The following NRG1 variants were observed in gnomAD, a reference collection of about 807,000 sequenced individuals.
NRG1 encodes the protein neuregulin 1.
Under a neutral mutation model 63.8 loss-of-function variants are expected in NRG1, and 18 were observed. The ratio of observed to expected loss-of-function variants is 0.28; its 90% confidence interval spans 0.19 to 0.42. The LOEUF is 0.42. NRG1 is among the 10% of genes least tolerant of loss of function. The pLI, the probability that NRG1 is intolerant of heterozygous loss-of-function variation, is 1.00. For missense variants in NRG1, 762 were observed against 814.7 expected (o/e 0.94, Z 0.79); for synonymous variants, 302 against 301.3 (o/e 1.00, Z -0.02).
At chr8:32,555,980 G>A (rs1428008058) in intron 1 of NRG1, among the ~76,000 whole-genome samples, 1 of 152,134 alleles carries the variant, frequency 6.6e-6, no homozygotes, top group African/African-American at 2.4e-5. Context: ...ACAGTGCCCC[G>A]AACCTTTCAT....
At chr8:32,403,244 G>A (rs943429273) in intron 1 of NRG1, among the ~76,000 whole-genome samples, 7 of 145,766 alleles carry the variant, frequency 4.8e-5, no homozygotes, top group Non-Finnish European at 1.0e-4. Context: ...AAGTTGCAGT[G>A]AGCCGAGATC....
intron 5 of NRG1, among the ~76,000 whole-genome samples, chr8:32,632,060 T>G (rs2129544259): frequency 6.6e-6 from 1 of 152,352 alleles, no homozygotes; most frequent in East Asian, 1.9e-4. Context: ...TACTTTTGAC[T>G]TCAAAGTGTT....
intron 1 of NRG1, among the ~76,000 whole-genome samples, chr8:31,950,381 G>A (rs1803276300): frequency 1.3e-5 from 2 of 152,122 alleles, no homozygotes; most frequent in African/African-American, 4.8e-5. Context: ...TATTGTTTGG[G>A]AAATTTAAGG....
intron 1 of NRG1, among the ~76,000 whole-genome samples, chr8:32,274,831 TAGA>T (rs951521150): frequency 2.6e-5 from 4 of 152,212 alleles, no homozygotes; most frequent in African/African-American, 7.2e-5. Context: ...GGTTGCTTTT[TAGA>T]AGAAGTAAAG....
At chr8:32,214,122 G>A (rs1844973710) in intron 1 of NRG1, among the ~76,000 whole-genome samples, 1 of 152,130 alleles carries the variant, frequency 6.6e-6, no homozygotes, top group Non-Finnish European at 1.5e-5. Flanking sequence ...TCCTAGTAGA[G>A]AGGGGAGGGA....
At chr8:31,643,258 G>A (rs548852345) in intron 1 of NRG1, among the ~76,000 whole-genome samples, 2 of 152,214 alleles carry the variant, frequency 1.3e-5, no homozygotes, top group South Asian at 2.1e-4. Context: ...TGATGGTTGT[G>A]TGCAGGCTTG....
At chr8:32,136,906 C>T (rs1835599573) in intron 1 of NRG1, among the ~76,000 whole-genome samples, 2 of 152,054 alleles carry the variant, frequency 1.3e-5, no homozygotes. Context: ...ATTAATAGTA[C>T]TTGGCTAAGC....
chr8:32,218,130 C>G (rs1334081693), intron 1 of NRG1, among the ~76,000 whole-genome samples: 2 of 152,108 alleles, frequency 1.3e-5, no homozygotes, highest in Non-Finnish European at 2.9e-5. Context: ...CTTGAGAAAC[C>G]TAATTCTTGC....
At chr8:31,843,073 T>C (rs1199815232) in intron 1 of NRG1, among the ~76,000 whole-genome samples, 1 of 152,124 alleles carries the variant, frequency 6.6e-6, no homozygotes, top group African/African-American at 2.4e-5. Flanking sequence ...AATTCAGAAT[T>C]AGAACTTGGA....
intron 1 of NRG1, among the ~76,000 whole-genome samples, chr8:32,590,949 A>T (rs1234026655): frequency 1.3e-5 from 2 of 152,222 alleles, no homozygotes; most frequent in African/African-American, 4.8e-5. Flanking sequence ...AGACAAAAAA[A>T]GGTTTAAAAT....
chr8:32,453,752 C>A (rs761457810), intron 1 of NRG1, among the ~76,000 whole-genome samples: 3 of 152,146 alleles, frequency 2.0e-5, no homozygotes, highest in Admixed American at 6.6e-5. Context: ...TAACACCGAC[C>A]TAAAACATTT....
chr8:31,966,710 A>C (rs540964114), intron 1 of NRG1, among the ~76,000 whole-genome samples: 1 of 152,316 alleles, frequency 6.6e-6, no homozygotes, highest in South Asian at 2.1e-4. Context: ...CACATTCTGG[A>C]TCTAGTGAGA....
At chr8:32,514,744 T>C (rs1829617598) in intron 1 of NRG1, among the ~76,000 whole-genome samples, 1 of 152,134 alleles carries the variant, frequency 6.6e-6, no homozygotes, top group Non-Finnish European at 1.5e-5. Flanking sequence ...TTTGATACAC[T>C]GGAAAGCTAA....
chr8:31,777,312 TG>T (rs1370449638), intron 1 of NRG1, among the ~76,000 whole-genome samples: 1 of 152,226 alleles, frequency 6.6e-6, no homozygotes, highest in Non-Finnish European at 1.5e-5. Context: ...TCTATTAATT[TG>T]TTTAGTCTTT....
intron 1 of NRG1, among the ~76,000 whole-genome samples, chr8:31,922,957 G>A (rs1247580944): frequency 6.6e-6 from 1 of 152,096 alleles, no homozygotes; most frequent in East Asian, 1.9e-4. Flanking sequence ...GAATGAAAGT[G>A]GAACCTGATC....
intron 1 of NRG1, among the ~76,000 whole-genome samples, chr8:32,316,155 C>G (rs1199545522): frequency 2.0e-5 from 3 of 151,988 alleles, no homozygotes; most frequent in Non-Finnish European, 4.4e-5. Context: ...TCTAGAAACT[C>G]CATGAAGGAA....
rs1008370044 is a variant in NRG1 at position 31,640,858 on chromosome 8, G to T, written c.37+1427G>T. On this transcript the variant is annotated intron_variant, in intron 1 of 10. Transcript: ENST00000519301. This position sits in a 1 kb window ranked among gnomAD's most constrained non-coding sequence, Gnocchi z 6.3. ...CTGGGTCCCAGTTGTTGGTTTCAGG[G>T]TGGTGGGTTCTCAGCGATCCTCAGA... 2.1e-6 allele frequency: 3 copies of T among 1,396,024 alleles called. No homozygotes were observed. In the African/African-American group the frequency reaches 4.5e-5, roughly 21 times the overall value. The allele number at this position is 1,396,024 out of a possible 1,614,324, so 86.5% of individuals were successfully genotyped here.
intron 1 of NRG1, among the ~76,000 whole-genome samples, chr8:31,671,800 A>G (rs1197481382): frequency 3.3e-5 from 5 of 152,132 alleles, no homozygotes; most frequent in African/African-American, 4.8e-5. Flanking sequence ...GAGAAAATCA[A>G]TGTCAGTAGG....
At chr8:32,520,703 T>C (rs1830258421) in intron 1 of NRG1, among the ~76,000 whole-genome samples, 1 of 152,258 alleles carries the variant, frequency 6.6e-6, no homozygotes, top group Admixed American at 6.5e-5. Flanking sequence ...AGTTTTGCTT[T>C]TGGCAGTTTC....
Sources: allele counts gnomAD v4.1 joint callset (sites outside exome capture counted in the v4.1 genomes callset), GRCh38; gene constraint gnomAD v4.1.1; non-coding constraint Gnocchi (gnomAD v3.1); transcripts MANE v1.5; gene names NCBI Gene and HGNC (gene_info 2026-07-23, HGNC 2026-07-21).